The following CNP variants were observed in gnomAD, a reference collection of about 807,000 sequenced individuals.
CNP encodes the protein 2',3'-cyclic-nucleotide 3'-phosphodiesterase.
In CNP, 8 loss-of-function variants were observed where a neutral mutation model predicts 37.9. The ratio of observed to expected loss-of-function variants is 0.21; its 90% CI spans 0.12 to 0.38. The LOEUF is 0.38. Among genes scored for constraint, CNP ranks in the 10% least tolerant of loss-of-function variants. The pLI is 1.00. For synonymous variants in CNP, 237 were observed against 238.3 expected (o/e 0.99, Z 0.05); for missense variants, 457 against 551.0 (o/e 0.83, Z 1.71).
chr17:41,967,962 C>G (rs1598100283), intron 1 of CNP, 106 bp from the exon 2 acceptor site: 2 of 1,519,230 alleles, frequency 1.3e-6, no homozygotes, highest in Non-Finnish European at 8.8e-7. Flanking sequence ...AGGTCCAGCA[C>G]TGCCCCGCTT....
intron 1 of CNP, chr17:41,967,721 CAG>C: frequency 1.9e-5 from 20 of 1,072,800 alleles, no homozygotes; most frequent in Non-Finnish European, 2.3e-5. Context: ...GGCCCAGACA[CAG>C]AGACCCCCAC....
chr17:41,974,147 T>C lies in CNP; in HGVS notation c.*223T>C, dbSNP rs916584027. The C allele has an allele frequency of 1.3e-4, 50 of 381,424 alleles. No individual in the cohort carries two copies. The highest frequency in any genetic ancestry group is 1.8e-4 in the Non-Finnish European group (40 of 219,688). 23.6% of individuals were successfully genotyped at this position (381,424 alleles called of 1,614,324 possible). A position where few individuals can be genotyped will look rare whatever the true frequency, so the allele number is the denominator to read the frequency against. Reference sequence around the variant, plus strand: ...ACACAAGGTGGGCAGGGAGGCACCATTCAGGAACCTGGACCAAAGCTGACG... The same window carrying C: ...ACACAAGGTGGGCAGGGAGGCACCACTCAGGAACCTGGACCAAAGCTGACG... On this transcript the variant is annotated 3_prime_UTR_variant, in exon 4 of 4. Transcript: ENST00000393892.
chr17:41,971,990 T>A lies in CNP; in HGVS notation c.775T>A (p.Tyr259Asn). Residue 259 changes from tyrosine to asparagine, a missense_variant, in exon 3 of 4, where the codon TAC (tyrosine) becomes AAC (asparagine). By Grantham distance (143) the Tyr-to-Asn change is moderately radical. This residue lies in a region of CNP where 291 missense variants were observed against 291.7 expected (regional missense o/e 1.00). Coordinates refer to ENST00000393892, the MANE Select transcript of CNP (RefSeq NM_033133.5). ...GCATTGCACAACCAAGTTTTGTGAC[T>A]ACGGGAAGGCTCCCGGGGCAGAGGA... ...VLHCTTKFCD[Y>N]GKAPGAEEYA... 6 of 1,613,812 alleles carry A rather than the reference T, an allele frequency of 3.7e-6. No individual in the cohort carries two copies. Among genetic ancestry groups the A allele is most frequent in the Non-Finnish European group, 5.1e-6 (6 of 1,179,914 alleles).
At chr17:41,971,693 T>G in intron 2 of CNP, 199 bp from the exon 3 acceptor site, 1 of 588,666 alleles carries the variant, frequency 1.7e-6, no homozygotes. Flanking sequence ...CCACCGCACC[T>G]GGCCTGAGAA....
rs782668028 is a variant in CNP, at chr17:41,977,079, G to A, written c.*3155G>A. ...GCGGTGGCTAAAGGTCCCAAGGCAA[G>A]GGGTGCCTGGGAACCTTCCTGTCTT... On this transcript the variant is annotated 3_prime_UTR_variant, in exon 4 of 4. Transcript: ENST00000393892. The A allele has an allele frequency of 5.3e-5, 37 of 696,608 alleles. No homozygotes were observed. The highest frequency in any genetic ancestry group is 8.4e-5 in the Non-Finnish European group (35 of 416,778). The allele number at this position is 696,608 out of a possible 1,614,324, so 43.2% of individuals were successfully genotyped here.
chr17:41,977,093 C>G lies in CNP; in HGVS notation c.*3169C>G. The G allele has an allele frequency of 1.3e-6, 1 of 746,550 alleles. No individual in the cohort carries two copies. Among genetic ancestry groups the G allele is most frequent in the Admixed American group, 2.9e-5 (1 of 34,932 alleles). The allele number at this position is 746,550 out of a possible 1,614,324, so 46.2% of individuals were successfully genotyped here. A position where few individuals can be genotyped will look rare whatever the true frequency, so the allele number is the denominator to read the frequency against. On this transcript the variant is annotated 3_prime_UTR_variant, in exon 4 of 4. Transcript: ENST00000393892. ...TCCCAAGGCAAGGGGTGCCTGGGAA[C>G]CTTCCTGTCTTCATCCTTAGCAACA...
In CNP at chr17:41,968,667, C is replaced by T. The variant is rs370636550; in HGVS notation, c.603C>T (p.Thr201=). ...GWFLTKKSSE[T]LRKAGQVFLE... ...TCCTGACCAAGAAGAGCTCTGAGAC[C>T]CTCCGCAAAGCCGGCCAGGTCTTCC... The change falls in exon 2 of 4, where the codon ACC becomes ACT. Residue 201 remains threonine, a synonymous_variant. Coordinates refer to ENST00000393892, the MANE Select transcript of CNP (RefSeq NM_033133.5). The surrounding 1 kb of genome is among the most constrained non-coding windows in gnomAD (Gnocchi z 4.8). 2.8e-5 allele frequency: 45 copies of T among 1,613,990 alleles called. No individual in the cohort carries two copies. Among genetic ancestry groups the T allele is most frequent in the Non-Finnish European group, 3.6e-5 (43 of 1,180,026 alleles).
chr17:41,973,932 C>G lies in CNP; in HGVS notation c.*8C>G, dbSNP rs782063304. 1 of 1,503,558 alleles carries G rather than the reference C, an allele frequency of 6.7e-7. No individual in the cohort carries two copies. Among genetic ancestry groups the G allele is most frequent in the East Asian group, 2.3e-5 (1 of 43,444 alleles). 93.1% of individuals were successfully genotyped at this position (1,503,558 alleles called of 1,614,324 possible). On this transcript the variant is annotated 3_prime_UTR_variant, in exon 4 of 4. Coordinates refer to ENST00000393892, the MANE Select transcript of CNP (RefSeq NM_033133.5). The stretch of plus-strand genomic sequence containing the variant: ...TCCTGCACCATCATATGAGTGTTCT[C>G]ACCACCACTTATGCCCCTAGAAGGG...
rs1422758284 is a variant in CNP at position 41,973,711 on chromosome 17, T to G, written c.1053T>G (p.Ile351Met). The change falls in exon 4 of 4, where the codon ATT (isoleucine) becomes ATG (methionine). Residue 351 changes from isoleucine (I) to methionine (M), a missense_variant. Transcript: ENST00000393892. ...AVQTGLDLLE[I>M]LRQEKGGSRG... ...AGACGGGCCTTGACCTCTTAGAGAT[T>G]CTGCGGCAGGAGAAGGGGGGCAGCC... The G allele has an allele frequency of 5.0e-6, 8 of 1,612,106 alleles. No homozygotes were observed. The highest frequency in any genetic ancestry group is 1.3e-5 in the African/African-American group (1 of 74,904).
chr17:41,973,246 G>A (rs906811687), intron 3 of CNP, among the ~76,000 whole-genome samples: 1 of 152,194 alleles, frequency 6.6e-6, no homozygotes, highest in African/African-American at 2.4e-5. Context: ...GGCTGTCCCC[G>A]TGTGGCCCTG....
In CNP at chr17:41,976,572, T is replaced by A; in HGVS notation, c.*2648T>A. On this transcript the variant is annotated 3_prime_UTR_variant, in exon 4 of 4. Transcript: ENST00000393892. ...CCCTCGGTCTTCGGCATTGGTTCCC[T>A]TTGCTCCACCCCACTCACAGAGACA... 1 of 849,052 alleles carries A rather than the reference T, an allele frequency of 1.2e-6. No homozygotes were observed. The allele number at this position is 849,052 out of a possible 1,614,324, so 52.6% of individuals were successfully genotyped here.
intron 2 of CNP, among the ~76,000 whole-genome samples, chr17:41,969,345 C>T (rs1220073289): frequency 2.0e-5 from 3 of 152,126 alleles, no homozygotes; most frequent in African/African-American, 7.2e-5. Context: ...GATGGAAAAA[C>T]ATGGACCCAG....
At chr17:41,971,803 T>C in intron 2 of CNP, 89 bp from the exon 3 acceptor site, 2 of 1,541,628 alleles carry the variant, frequency 1.3e-6, no homozygotes, top group Non-Finnish European at 8.9e-7. Flanking sequence ...AGTGTCCGAG[T>C]GTTTTGCGCT....
At position 41,971,970 on chromosome 17, in the gene CNP, G is replaced by A. The variant is rs1555643887; in HGVS notation, c.755G>A (p.Cys252Tyr). Residue 252 changes from cysteine (C) to tyrosine (Y), a missense_variant, in exon 3 of 4, where the codon TGC becomes TAC. By Grantham distance (194) the Cys-to-Tyr change is radical. Coordinates refer to ENST00000393892, the MANE Select transcript of CNP (RefSeq NM_033133.5). ...AAGAGACCCCCAGGCGTGCTGCATT[G>A]CACAACCAAGTTTTGTGACTACGGG... is the stretch of plus-strand genomic sequence containing the variant. ...FGKRPPGVLH[C>Y]TTKFCDYGKA... The A allele has an allele frequency of 6.2e-7, 1 of 1,613,802 alleles. No homozygotes were observed. The highest frequency in any genetic ancestry group is 8.5e-7 in the Non-Finnish European group (1 of 1,179,928).
chr17:41,968,800 A>G lies in CNP; in HGVS notation c.676+60A>G, dbSNP rs1555643369. On this transcript the variant is annotated intron_variant, in intron 2 of 3. Coordinates refer to ENST00000393892, the MANE Select transcript of CNP (RefSeq NM_033133.5). This position sits in a 1 kb window ranked among gnomAD's most constrained non-coding sequence, Gnocchi z 4.8. ...TGCTGGGCACAGGGTGCTGCGGGCA[A>G]AGGACCATCATTGTACTCAAAGGAT... is the stretch of plus-strand genomic sequence containing the variant. 3 of 1,505,298 alleles carry G rather than the reference A, an allele frequency of 2.0e-6. No individual in the cohort carries two copies. The African/African-American group carries it at 4.2e-5, about 21-fold the overall frequency. The allele number at this position is 1,505,298 out of a possible 1,614,324, so 93.2% of individuals were successfully genotyped here. A position where few individuals can be genotyped will look rare whatever the true frequency, so the allele number is the denominator to read the frequency against.
Position 41,974,164 on chromosome 17 carries a change from A to C in CNP, c.*240A>C. The C allele has an allele frequency of 2.9e-6, 1 of 342,438 alleles. No individual in the cohort carries two copies. The allele number at this position is 342,438 out of a possible 1,614,324, so 21.2% of individuals were successfully genotyped here. On this transcript the variant is annotated 3_prime_UTR_variant, in exon 4 of 4. Transcript: ENST00000393892. ...AGGCACCATTCAGGAACCTGGACCA[A>C]AGCTGACGAGGCTGGGCCAAGCCAG...
Position 41,974,936 on chromosome 17 carries a change from G to A in CNP, c.*1012G>A, listed in dbSNP as rs1203625677. On this transcript the variant is annotated 3_prime_UTR_variant, in exon 4 of 4. Coordinates refer to ENST00000393892, the MANE Select transcript of CNP (RefSeq NM_033133.5). ...GGCTGGTGGGCACCAAGAGCCAATG[G>A]AGTAGACCCCTGGCTGGTAAGGGCC... The A allele has an allele frequency of 1.3e-5, 2 of 152,440 alleles. No individual in the cohort carries two copies. Among genetic ancestry groups the A allele is most frequent in the Non-Finnish European group, 2.9e-5 (2 of 68,140 alleles). 9.4% of individuals were successfully genotyped at this position (152,440 alleles called of 1,614,324 possible).
chr17:41,967,586 A>G lies in CNP; in HGVS notation c.4-482A>G, dbSNP rs1249880965. The G allele has an allele frequency of 3.3e-6, 3 of 904,118 alleles. No individual in the cohort carries two copies. The African/African-American group carries it at 5.4e-5, about 16-fold the overall frequency. The allele number at this position is 904,118 out of a possible 1,614,324, so 56.0% of individuals were successfully genotyped here. ...ACCAGCCCTTCTGTGGGACCATTGT[A>G]CCCGCATGCCAGACAAGAGAGTATT... On this transcript the variant is annotated intron_variant, in intron 1 of 3. Transcript: ENST00000393892.
At position 41,973,908 on chromosome 17, in the gene CNP, C is replaced by T; in HGVS notation, c.1250C>T (p.Ser417Phe). The T allele has an allele frequency of 3.9e-6, 6 of 1,540,590 alleles. No homozygotes were observed. The highest frequency in any genetic ancestry group is 5.2e-6 in the Non-Finnish European group (6 of 1,143,386). The change falls in exon 4 of 4, where the codon TCC becomes TTC. Residue 417 changes from serine (S) to phenylalanine (F), a missense_variant. Ser to Phe is a radical substitution (Grantham distance 155, BLOSUM62 -2). Around this residue, in one of 2 missense-constraint regions of CNP, gnomAD observed 291 missense variants for 291.7 expected, o/e 1.00. Coordinates refer to ENST00000393892, the MANE Select transcript of CNP (RefSeq NM_033133.5). ...AGCCGGAAGGGGGGCGCCTTGCAGT[C>T]CTGCACCATCATATGAGTGTTCTCA... ...QGSRKGGALQSCTII is the reference protein window; with the variant it reads ...QGSRKGGALQFCTII
Sources: gnomAD v4.1 joint callset for allele counts (sites outside exome capture counted in the v4.1 genomes callset) on GRCh38, gnomAD v4.1.1 for gene constraint, gnomAD v4.1.1 regional missense constraint, Gnocchi (gnomAD v3.1) non-coding constraint, MANE v1.5 for transcripts, NCBI Gene and HGNC (gene_info 2026-07-23, HGNC 2026-07-21) for gene names.